Variants in ABCC4 observed in about 807,000 individuals in gnomAD.
The protein encoded by ABCC4 is ATP-binding cassette sub-family C member 4.
A neutral mutation model predicts 168.5 loss-of-function variants in ABCC4; 102 were observed. That is an observed-to-expected ratio of 0.61 (90% CI 0.52 to 0.71). The LOEUF is 0.71. Among genes scored for constraint, ABCC4 ranks in the 30% least tolerant of loss-of-function variants. The pLI is 0.00. For synonymous variants in ABCC4, 617 were observed against 590.7 expected (o/e 1.04, Z -0.65); for missense variants, 1,402 against 1,605.8 (o/e 0.87, Z 2.17).
intron 1 of ABCC4, among the ~76,000 whole-genome samples, chr13:95,265,351 A>G (rs2040641611): frequency 6.6e-6 from 1 of 152,228 alleles, no homozygotes; most frequent in Non-Finnish European, 1.5e-5. Context: ...AAAAGTTAAA[A>G]GACACTACCA....
At chr13:95,184,169 A>G (rs2037987542) in intron 11 of ABCC4, among the ~76,000 whole-genome samples, 1 of 152,196 alleles carries the variant, frequency 6.6e-6, no homozygotes, top group African/African-American at 2.4e-5. Context: ...TATCCGAGTT[A>G]CTGGGCCAGT....
intron 20 of ABCC4, among the ~76,000 whole-genome samples, chr13:95,085,016 C>T (rs1024445247): frequency 2.0e-5 from 3 of 152,228 alleles, no homozygotes; most frequent in Non-Finnish European, 4.4e-5. Context: ...AACCACAACG[C>T]TTGCTTCTTG....
At position 95,301,332 on chromosome 13, in the gene ABCC4, G is replaced by T. The variant is rs1437923559; in HGVS notation, c.-18C>A. ...GGCAGCATCTTGCCGGGCGGGGCGGGCGCGGGCCGGGGTCGCGCTGATCAG... is the reference window on the plus strand; with the variant it reads ...GGCAGCATCTTGCCGGGCGGGGCGGTCGCGGGCCGGGGTCGCGCTGATCAG... On this transcript the variant is annotated 5_prime_UTR_variant, in exon 1 of 31. Transcript: ENST00000645237. 20 of 1,575,062 alleles carry T rather than the reference G, an allele frequency of 1.3e-5. No individual in the cohort carries two copies. Among genetic ancestry groups the T allele is most frequent in the Non-Finnish European group, 1.7e-5 (20 of 1,162,380 alleles).
In ABCC4 at chr13:95,076,147, G is replaced by T. The variant is rs571544151; in HGVS notation, c.2687-596C>A. On this transcript the variant is annotated intron_variant, in intron 21 of 30. Transcript: ENST00000645237. ...GAATCTTCTGTGCCCACTCATGCTGGAAGAATCCTTTGTGATCTCCATGGA... is the reference window on the plus strand; with the variant it reads ...GAATCTTCTGTGCCCACTCATGCTGTAAGAATCCTTTGTGATCTCCATGGA... Among the ~76,000 whole-genome samples, 97 of 152,276 alleles carry T rather than the reference G, an allele frequency of 6.4e-4. No individual in the cohort carries two copies. In the Middle Eastern group the frequency reaches 0.014, roughly 21 times the overall value.
intron 1 of ABCC4, among the ~76,000 whole-genome samples, chr13:95,295,963 A>C (rs1363900419): frequency 3.0e-5 from 1 of 32,920 alleles, no homozygotes; most frequent in Non-Finnish European, 4.4e-5. Context: ...AGACTCCGTC[A>C]AAAAAAAAAA....
At chr13:95,286,618 C>T (rs113248805) in intron 1 of ABCC4, among the ~76,000 whole-genome samples, 8 of 152,024 alleles carry the variant, frequency 5.3e-5, no homozygotes, top group African/African-American at 1.9e-4. Context: ...CACTGACCTA[C>T]TTCCATATTC....
In ABCC4 at chr13:95,116,109, A is replaced by G. The variant is rs548502417; in HGVS notation, c.2456-108T>C. The G allele has an allele frequency of 8.6e-5, 59 of 689,788 alleles. No homozygotes were observed. The African/African-American group carries it at 1.0e-3, about 12-fold the overall frequency. The allele number at this position is 689,788 out of a possible 1,614,324, so 42.7% of individuals were successfully genotyped here. ...TATTTTAAATGCATATGTATTTAAT[A>G]TATTATTCATATGAAATAAGCCGAT... On this transcript the variant is annotated intron_variant, in intron 19 of 30. Transcript: ENST00000645237.
chr13:95,213,454 T>C lies in ABCC4; in HGVS notation c.532-2673A>G, dbSNP rs2039019369. On this transcript the variant is annotated intron_variant, in intron 4 of 30. Transcript: ENST00000645237. Reference sequence around the variant, plus strand: ...TTGTGAGCCTGAGTAGCAGAGGGTTTGCCCCAGAAGTTTCAGTAGGGATTT... The same window carrying C: ...TTGTGAGCCTGAGTAGCAGAGGGTTCGCCCCAGAAGTTTCAGTAGGGATTT... Among the ~76,000 whole-genome samples the C allele has an allele frequency of 2.0e-5, 3 of 152,202 alleles. No homozygotes were observed. In the South Asian group the frequency reaches 6.2e-4, roughly 31 times the overall value.
intron 1 of ABCC4, among the ~76,000 whole-genome samples, chr13:95,290,109 T>TAGATAGAC (rs796579343): frequency 0.18 from 25,934 of 146,780 alleles, 2,678 homozygotes; most frequent in South Asian, 0.24. Context: ...AAAAAATAGA[T>TAGATAGAC]AGATAGATAG....
intron 21 of ABCC4, among the ~76,000 whole-genome samples, chr13:95,082,189 C>T (rs1196682184): frequency 2.0e-5 from 3 of 152,138 alleles, no homozygotes; most frequent in African/African-American, 7.2e-5. Context: ...TTTTCTGATA[C>T]AAATATCTTC....
intron 29 of ABCC4, among the ~76,000 whole-genome samples, chr13:95,041,181 T>C (rs1373636079): frequency 6.6e-6 from 1 of 152,210 alleles, no homozygotes; most frequent in Non-Finnish European, 1.5e-5. Context: ...ACTGAGCAAA[T>C]GAAGATTAAA....
At chr13:95,188,095 T>C (rs2038126116) in intron 10 of ABCC4, among the ~76,000 whole-genome samples, 1 of 152,190 alleles carries the variant, frequency 6.6e-6, no homozygotes. Context: ...AGACAAGCCT[T>C]CATAACCTCC....
At chr13:95,134,862 G>A (rs1260142181) in intron 19 of ABCC4, among the ~76,000 whole-genome samples, 1 of 152,098 alleles carries the variant, frequency 6.6e-6, no homozygotes, top group Admixed American at 6.6e-5. Flanking sequence ...AAGCAGCGAT[G>A]ACACCCAGGA....
chr13:95,292,153 T>C (rs1295275785), intron 1 of ABCC4, among the ~76,000 whole-genome samples: 5 of 150,720 alleles, frequency 3.3e-5, no homozygotes. Flanking sequence ...AGCCCAGGAG[T>C]TCAATACCAG....
At chr13:95,079,835 CA>C (rs767594797) in intron 21 of ABCC4, among the ~76,000 whole-genome samples, 1 of 151,248 alleles carries the variant, frequency 6.6e-6, no homozygotes, top group Non-Finnish European at 1.5e-5. Context: ...GACTATGTCT[CA>C]AAAAAACAAA....
At chr13:95,023,179 T>C (rs1363746641) in intron 30 of ABCC4, among the ~76,000 whole-genome samples, 1 of 152,186 alleles carries the variant, frequency 6.6e-6, no homozygotes, top group Admixed American at 6.5e-5. Context: ...CTTCCCCAAA[T>C]AGGCTGCTTC....
At chr13:95,172,624 G>T (rs1257477619) in intron 13 of ABCC4, among the ~76,000 whole-genome samples, 1 of 151,884 alleles carries the variant, frequency 6.6e-6, no homozygotes, top group African/African-American at 2.4e-5. Flanking sequence ...AATGTTGGAG[G>T]TGACACAAGT....
chr13:95,174,755 C>G (rs996640476), intron 13 of ABCC4, among the ~76,000 whole-genome samples: 1 of 152,150 alleles, frequency 6.6e-6, no homozygotes, highest in African/African-American at 2.4e-5. Flanking sequence ...AAGACTCAAG[C>G]AAGCCACAGA....
At chr13:95,131,354 G>A (rs1014021031) in intron 19 of ABCC4, among the ~76,000 whole-genome samples, 7 of 152,172 alleles carry the variant, frequency 4.6e-5, no homozygotes, top group Admixed American at 3.9e-4. Flanking sequence ...CCAGCCAGGC[G>A]CAGTGGCTCA....
Sources: allele counts gnomAD v4.1 joint callset (sites outside exome capture counted in the v4.1 genomes callset), GRCh38; gene constraint gnomAD v4.1.1; transcripts MANE v1.5; gene names NCBI Gene and HGNC (gene_info 2026-07-23, HGNC 2026-07-21).